Variants in EPB41L3 observed in about 807,000 individuals in gnomAD.
EPB41L3 encodes erythrocyte membrane protein band 4.1 like 3.
Under a neutral mutation model 127.1 loss-of-function variants are expected in EPB41L3, and 57 were observed. The observed-to-expected ratio is 0.45, with a 90% CI of 0.36 to 0.56. The LOEUF is 0.56. EPB41L3 is among the 20% of genes least tolerant of loss of function. The pLI is 0.00. For missense variants in EPB41L3, 1,273 were observed against 1,372.2 expected, an observed-to-expected ratio of 0.93 and a Z score of 1.14; for synonymous variants, 572 against 549.5, an observed-to-expected ratio of 1.04 and a Z score of -0.57.
At chr18:5,481,974 GAC>G (rs2088646911) in intron 2 of EPB41L3, among the ~76,000 whole-genome samples, 1 of 152,026 alleles carries the variant, frequency 6.6e-6, no homozygotes. Context: ...TCTATACAAA[GAC>G]ACAGACACCC....
In EPB41L3 at chr18:5,422,983, T is replaced by G. The variant is rs1598745170; in HGVS notation, c.1339+395A>C. ...AAGATTTTTTAGAAACAGAAATAAA[T>G]TTAACTTATAGATTTATAAAACAAA... On this transcript the variant is annotated intron_variant, in intron 11 of 22. Coordinates refer to ENST00000341928, the MANE Select transcript of EPB41L3 (RefSeq NM_012307.5). 3.3e-5 allele frequency among the ~76,000 whole-genome samples: 5 copies of G among 152,152 alleles called. No homozygotes were observed. The South Asian group carries it at 1.0e-3, about 31-fold the overall frequency.
chr18:5,408,593 T>A (rs556268212), intron 14 of EPB41L3, among the ~76,000 whole-genome samples: 2 of 151,644 alleles, frequency 1.3e-5, no homozygotes, highest in African/African-American at 4.8e-5. Flanking sequence ...TGAATGTATA[T>A]AGTTAAAAAC....
chr18:5,469,757 T>C (rs2085755464), intron 3 of EPB41L3, among the ~76,000 whole-genome samples: 1 of 151,458 alleles, frequency 6.6e-6, no homozygotes, highest in Non-Finnish European at 1.5e-5. Context: ...TCGTTCCTTC[T>C]GCTGTTGTAG....
chr18:5,479,060 A>C (rs1177350770), intron 2 of EPB41L3, among the ~76,000 whole-genome samples: 2 of 152,246 alleles, frequency 1.3e-5, no homozygotes, highest in Admixed American at 6.5e-5. Context: ...GAACATATCA[A>C]ATCTGTCCAA....
intron 3 of EPB41L3, among the ~76,000 whole-genome samples, chr18:5,476,515 G>A (rs2087256625): frequency 1.3e-5 from 2 of 152,114 alleles, no homozygotes; most frequent in South Asian, 4.1e-4. Flanking sequence ...CAGCCCTAAG[G>A]CATTATCCTC....
intron 3 of EPB41L3, among the ~76,000 whole-genome samples, chr18:5,446,304 T>C (rs1002789254): frequency 6.6e-6 from 1 of 152,222 alleles, no homozygotes; most frequent in African/African-American, 2.4e-5. Flanking sequence ...TGAGTTATAT[T>C]TCTGACCATC....
intron 3 of EPB41L3, among the ~76,000 whole-genome samples, chr18:5,581,958 C>T (rs2094397556): frequency 6.6e-6 from 1 of 152,206 alleles, no homozygotes; most frequent in Non-Finnish European, 1.5e-5. Flanking sequence ...GACTGTACCG[C>T]TGCTCTCCAG....
intron 1 of EPB41L3, among the ~76,000 whole-genome samples, chr18:5,525,841 T>C (rs1381047484): frequency 6.6e-6 from 1 of 152,200 alleles, no homozygotes; most frequent in Admixed American, 6.5e-5. Flanking sequence ...ACTTGTTTTA[T>C]CAGGCAGATG....
chr18:5,397,410 G>T lies in EPB41L3; in HGVS notation c.2489C>A (p.Thr830Lys). 6.2e-7 allele frequency: 1 copy of T among 1,607,870 alleles called. No homozygotes were observed. Among genetic ancestry groups the T allele is most frequent in the East Asian group, 2.2e-5 (1 of 44,720 alleles). ...QSWVQKMETK[T>K]ESSGIETEPT... The stretch of plus-strand genomic sequence containing the variant: ...TTCCGTCTCTATTCCACTGGACTCC[G>T]TCTTGGTTTCCATTTTCTGCATGGG... The change falls in exon 18 of 23, where the codon ACG becomes AAG. Residue 830 changes from threonine to lysine, a missense_variant. Transcript: ENST00000341928. This position sits in a 1 kb window ranked among gnomAD's most constrained non-coding sequence, Gnocchi z 4.1.
intron 3 of EPB41L3, among the ~76,000 whole-genome samples, chr18:5,579,002 C>T (rs1568601330): frequency 6.6e-6 from 1 of 152,124 alleles, no homozygotes; most frequent in Non-Finnish European, 1.5e-5. Flanking sequence ...CGTGAAGACA[C>T]CCACATGCTT....
intron 1 of EPB41L3, among the ~76,000 whole-genome samples, chr18:5,520,532 G>C: frequency 6.8e-6 from 1 of 146,250 alleles, no homozygotes; most frequent in African/African-American, 2.6e-5. Context: ...TATCACCCAT[G>C]CTCGCCTCCC....
At chr18:5,584,431 G>C (rs958217680) in intron 3 of EPB41L3, among the ~76,000 whole-genome samples, 2 of 152,132 alleles carry the variant, frequency 1.3e-5, no homozygotes, top group Non-Finnish European at 2.9e-5. Flanking sequence ...TATTTATTAA[G>C]GAGACAGTAA....
intron 3 of EPB41L3, among the ~76,000 whole-genome samples, chr18:5,475,107 C>G (rs560959637): frequency 1.3e-5 from 2 of 152,268 alleles, no homozygotes; most frequent in East Asian, 3.9e-4. Flanking sequence ...TTTAACACAT[C>G]CTATTTCTCT....
chr18:5,427,005 T>C (rs2078277529), intron 9 of EPB41L3, among the ~76,000 whole-genome samples: 1 of 152,158 alleles, frequency 6.6e-6, no homozygotes, highest in Non-Finnish European at 1.5e-5. Context: ...TATGTTTCAA[T>C]TTTTTTGTTA....
chr18:5,492,284 C>CTTTCCCTTTCCAACTA (rs1281904611), intron 1 of EPB41L3, among the ~76,000 whole-genome samples: 14 of 148,706 alleles, frequency 9.4e-5, no homozygotes, highest in East Asian at 4.0e-4. Flanking sequence ...TGCACCACTG[C>CTTTCCCTTTCCAACTA]ACTCCAGCCT....
chr18:5,476,005 T>C (rs555142327), intron 3 of EPB41L3, among the ~76,000 whole-genome samples: 2 of 152,250 alleles, frequency 1.3e-5, no homozygotes, highest in South Asian at 4.1e-4. Context: ...AGCCAAACTT[T>C]ACTTTCCATT....
intron 16 of EPB41L3, chr18:5,398,779 C>G (rs1364594524): frequency 2.5e-6 from 1 of 399,398 alleles, no homozygotes; most frequent in Non-Finnish European, 4.4e-6. Context: ...TTTAAGACCT[C>G]ACTCTCGGGC....
chr18:5,611,603 C>G (rs1401684480), intron 3 of EPB41L3, among the ~76,000 whole-genome samples: 2 of 152,092 alleles, frequency 1.3e-5, no homozygotes, highest in African/African-American at 4.8e-5. Context: ...GACATGCATA[C>G]CAAGAAAAGC....
rs1371075161 is a variant in EPB41L3, at chr18:5,523,042, T to C, written c.-12+20871A>G. On this transcript the variant is annotated intron_variant, in intron 1 of 22. Transcript: ENST00000341928. ...CAATGAAAATAATTCAAGGACCTAGTATCAAACGCATCACAAGTTTAGCAA... is the reference window on the plus strand; with the variant it reads ...CAATGAAAATAATTCAAGGACCTAGCATCAAACGCATCACAAGTTTAGCAA... Among the ~76,000 whole-genome samples the C allele has an allele frequency of 2.0e-5, 3 of 152,220 alleles. No individual in the cohort carries two copies. In the East Asian group the frequency reaches 5.8e-4, roughly 29 times the overall value.
Sources: allele counts gnomAD v4.1 joint callset (sites outside exome capture counted in the v4.1 genomes callset), GRCh38; gene constraint gnomAD v4.1.1; non-coding constraint Gnocchi (gnomAD v3.1); transcripts MANE v1.5; gene names NCBI Gene and HGNC (gene_info 2026-07-23, HGNC 2026-07-21).